WWC1: variants seen among roughly 807,000 people sequenced by gnomAD.
The protein encoded by WWC1 is WW and C2 domain containing 1.
Under a neutral mutation model 138.4 loss-of-function variants are expected in WWC1, and 55 were observed. The ratio of observed to expected loss-of-function variants is 0.40; its 90% CI spans 0.32 to 0.50. The LOEUF (loss-of-function observed/expected upper bound fraction) is 0.50. WWC1 is among the 20% of genes least tolerant of loss of function. The probability of loss-of-function intolerance (pLI) is 0.72; values close to 1 mark genes in which losing one functional copy is unlikely to be tolerated. For synonymous variants in WWC1, 524 were observed against 564.9 expected (o/e 0.93, Z 1.03); for missense variants, 1,226 against 1,420.4 (o/e 0.86, Z 2.20).
rs111788043 is a variant in WWC1, at chr5:168,411,972, A to G, written c.941+1977A>G. The G allele has an allele frequency of 5.2e-3, 5,105 of 985,228 alleles. 20 individuals carry two copies. Among genetic ancestry groups the G allele is most frequent in the Non-Finnish European group, 5.7e-3 (4,717 of 829,730 alleles). 61.0% of individuals were successfully genotyped at this position (985,228 alleles called of 1,614,324 possible). On this transcript the variant is annotated intron_variant, in intron 8 of 22. Coordinates refer to ENST00000265293, the MANE Select transcript of WWC1 (RefSeq NM_015238.3). The stretch of plus-strand genomic sequence containing the variant: ...AGAAGGAATTGAATACTGGTCAGGT[A>G]GAAAAAAACAGATGTCCTATGTACT...
chr5:168,332,636 T>C (rs1350449451), intron 1 of WWC1, among the ~76,000 whole-genome samples: 1 of 152,184 alleles, frequency 6.6e-6, no homozygotes, highest in Non-Finnish European at 1.5e-5. Flanking sequence ...GTTTGCATAG[T>C]AGGTGAGGAG....
Position 168,422,031 on chromosome 5 carries a change from A to G in WWC1, c.1208A>G (p.Asn403Ser). The G allele has an allele frequency of 6.2e-7, 1 of 1,611,986 alleles. No homozygotes were observed. Among genetic ancestry groups the G allele is most frequent in the East Asian group, 2.2e-5 (1 of 44,776 alleles). ...TERLKLNSKR[N>S]QLVRELEEAT... ...AGGTTAAAGTTAAACAGTAAGAGGA[A>G]CCAGCTTGTGAGAGAACTGGAGGAA... Residue 403 changes from asparagine to serine, a missense_variant, in exon 10 of 23, where the codon AAC becomes AGC. By Grantham distance (46) the Asn-to-Ser change is conservative. This residue lies in a region of WWC1 where 1,016 missense variants were observed against 1,153.9 expected (regional missense o/e 0.88). Transcript: ENST00000265293.
chr5:168,431,113 C>T (rs1781900952), intron 14 of WWC1, 139 bp from the exon 15 acceptor site: 2 of 727,806 alleles, frequency 2.7e-6, no homozygotes, highest in South Asian at 3.8e-5. Context: ...TGTATAGGGG[C>T]CTGATTCCCC....
At chr5:168,327,645 G>T (rs577377489) in intron 1 of WWC1, among the ~76,000 whole-genome samples, 82 of 152,306 alleles carry the variant, frequency 5.4e-4, no homozygotes, top group African/African-American at 1.9e-3. Context: ...AATGCCCAGG[G>T]GCTCTGGATC....
At chr5:168,353,526 G>T (rs926697601) in intron 1 of WWC1, among the ~76,000 whole-genome samples, 1 of 152,168 alleles carries the variant, frequency 6.6e-6, no homozygotes, top group African/African-American at 2.4e-5. Flanking sequence ...CCCCTCAATG[G>T]CATGCCAGCC....
At chr5:168,423,266 A>G (rs1200893220) in intron 10 of WWC1, among the ~76,000 whole-genome samples, 2 of 152,134 alleles carry the variant, frequency 1.3e-5, no homozygotes, top group East Asian at 1.9e-4. Context: ...AACGTAGCCA[A>G]TTGGAGCTTT....
At chr5:168,300,145 C>CA (rs3215083) in intron 1 of WWC1, among the ~76,000 whole-genome samples, 87,663 of 151,554 alleles carry the variant, frequency 0.58, 26,240 homozygotes, top group East Asian at 0.82. Context: ...GGTAGAACAG[C>CA]AAAGGTTCAG....
intron 21 of WWC1, 100 bp from the exon 22 acceptor site, chr5:168,467,740 G>A: frequency 6.5e-7 from 1 of 1,531,514 alleles, no homozygotes; most frequent in Non-Finnish European, 8.9e-7. Context: ...GAGTGAGGGT[G>A]CCGTCCCTAC....
At chr5:168,450,872 G>C (rs140702223) in intron 17 of WWC1, among the ~76,000 whole-genome samples, 8 of 152,148 alleles carry the variant, frequency 5.3e-5, no homozygotes, top group African/African-American at 1.9e-4. Context: ...ATCTTCGGAA[G>C]ACACCACTGA....
At chr5:168,356,372 G>A (rs1037294933) in intron 1 of WWC1, among the ~76,000 whole-genome samples, 1 of 152,242 alleles carries the variant, frequency 6.6e-6, no homozygotes, top group Admixed American at 6.5e-5. Context: ...GTGAACCTGG[G>A]TCCCTGGGGT....
chr5:168,367,865 A>T (rs1030456319), intron 1 of WWC1, among the ~76,000 whole-genome samples: 5 of 150,056 alleles, frequency 3.3e-5, no homozygotes, highest in African/African-American at 1.3e-4. Flanking sequence ...TAAATTAATA[A>T]AAAAAAAGAA....
At chr5:168,406,408 C>T (rs1180673320) in intron 6 of WWC1, 81 bp downstream of exon 6, 1 of 1,570,974 alleles carries the variant, frequency 6.4e-7, no homozygotes, top group Non-Finnish European at 8.7e-7. Context: ...CGGGCTATTT[C>T]CACGTGGTAC....
intron 17 of WWC1, among the ~76,000 whole-genome samples, chr5:168,448,919 A>G (rs1025416337): frequency 2.0e-5 from 3 of 152,134 alleles, no homozygotes; most frequent in African/African-American, 7.2e-5. Flanking sequence ...GCACCCAGCT[A>G]TAAGATTTTA....
Position 168,385,215 on chromosome 5 carries a change from C to A in WWC1, c.234C>A (p.Thr78=). The change falls in exon 3 of 23, where the codon ACC becomes ACA. Residue 78 remains threonine, a synonymous_variant. Transcript: ENST00000265293. ...GDYFIDHNTK[T]TQIEDPRVQW... ...AATCTCTGGGGTCTGTTCCAGAAAC[C>A]ACTCAGATTGAGGATCCTCGAGTAC... The A allele has an allele frequency of 1.9e-6, 3 of 1,614,080 alleles. No individual in the cohort carries two copies. Among genetic ancestry groups the A allele is most frequent in the Non-Finnish European group, 2.5e-6 (3 of 1,180,008 alleles).
chr5:168,457,230 T>C (rs1756418523), intron 19 of WWC1, among the ~76,000 whole-genome samples: 2 of 152,022 alleles, frequency 1.3e-5, no homozygotes, highest in Admixed American at 1.3e-4. Flanking sequence ...TTAGGTCTTT[T>C]TGTATAAAAC....
At chr5:168,321,495 G>C (rs980336633) in intron 1 of WWC1, among the ~76,000 whole-genome samples, 1 of 151,366 alleles carries the variant, frequency 6.6e-6, no homozygotes, top group African/African-American at 2.4e-5. Context: ...CCTGAAGGGG[G>C]ACAGGTTCAG....
intron 11 of WWC1, among the ~76,000 whole-genome samples, chr5:168,427,548 ATTTTTTTTTT>A (rs34177139): frequency 1.1e-4 from 11 of 101,150 alleles, no homozygotes; most frequent in South Asian, 3.6e-4. Context: ...CTTTTTTTTA[ATTTTTTTTTT>A]TTTTTTTTTT....
At chr5:168,464,406 C>T (rs986237575) in intron 20 of WWC1, among the ~76,000 whole-genome samples, 4 of 152,140 alleles carry the variant, frequency 2.6e-5, no homozygotes, top group Non-Finnish European at 5.9e-5. Context: ...AGTGGAGCTT[C>T]AGCTTTACCA....
In WWC1 at chr5:168,343,261, A is replaced by C. The variant is rs1412592919; in HGVS notation, c.120-28163A>C. On this transcript the variant is annotated intron_variant, in intron 1 of 22. Coordinates refer to ENST00000265293, the MANE Select transcript of WWC1 (RefSeq NM_015238.3). ...AGTGCTTTCATGTGCCCTGCATTTGAATTTATTCATGATAGCTTCAACATT... is the reference window on the plus strand; with the variant it reads ...AGTGCTTTCATGTGCCCTGCATTTGCATTTATTCATGATAGCTTCAACATT... Among the ~76,000 whole-genome samples the C allele has an allele frequency of 2.0e-5, 3 of 152,280 alleles. No homozygotes were observed. The East Asian group carries it at 5.8e-4, about 29-fold the overall frequency.
Sources: gnomAD v4.1 joint callset for allele counts (sites outside exome capture counted in the v4.1 genomes callset) on GRCh38, gnomAD v4.1.1 for gene constraint, gnomAD v4.1.1 regional missense constraint, MANE v1.5 for transcripts, NCBI Gene and HGNC (gene_info 2026-07-23, HGNC 2026-07-21) for gene names.